The following BNC2 variants were observed in gnomAD, a reference collection of about 807,000 sequenced individuals.
The protein encoded by BNC2 is zinc finger protein basonuclin-2.
In BNC2, 20 loss-of-function variants were observed where a neutral mutation model predicts 76.3. The ratio of observed to expected loss-of-function variants is 0.26; its 90% CI spans 0.18 to 0.38. BNC2 has a LOEUF of 0.38. Among genes scored for constraint, BNC2 ranks in the 10% least tolerant of loss-of-function variants. The pLI, the probability that BNC2 is intolerant of heterozygous loss-of-function variation, is 1.00. For missense variants in BNC2, 1,382 were observed against 1,399.8 expected (o/e 0.99, Z 0.20); for synonymous variants, 582 against 514.8 (o/e 1.13, Z -1.77).
intron 1 of BNC2, among the ~76,000 whole-genome samples, chr9:16,856,318 T>C (rs1819257170): frequency 6.6e-6 from 1 of 151,832 alleles, no homozygotes. Flanking sequence ...CCAGCATATC[T>C]AATTATCACT....
intron 1 of BNC2, among the ~76,000 whole-genome samples, chr9:16,837,333 G>A (rs113402698): frequency 0.047 from 7,077 of 152,052 alleles, 238 homozygotes; most frequent in Middle Eastern, 0.096. Context: ...GTGAAATCCC[G>A]TCTCTACTAA....
At chr9:16,497,978 G>GGTGGGTGT (rs1554653609) in intron 5 of BNC2, among the ~76,000 whole-genome samples, 1 of 134,840 alleles carries the variant, frequency 7.4e-6, no homozygotes, top group Non-Finnish European at 1.6e-5. Flanking sequence ...AAGAAACTGT[G>GGTGGGTGT]GTGTGTGTGT....
At chr9:16,796,864 T>C (rs187071885) in intron 1 of BNC2, among the ~76,000 whole-genome samples, 1 of 152,304 alleles carries the variant, frequency 6.6e-6, no homozygotes, top group East Asian at 1.9e-4. Flanking sequence ...TAATGCCTTT[T>C]GTGGGTCTCT....
At position 16,552,932 on chromosome 9, in the gene BNC2, C is replaced by T. The variant is rs567495539; in HGVS notation, c.434-167G>A. 4.6e-5 allele frequency among the ~76,000 whole-genome samples: 7 copies of T among 152,286 alleles called. No homozygotes were observed. The East Asian group carries it at 1.4e-3, about 29-fold the overall frequency. On this transcript the variant is annotated intron_variant, in intron 4 of 6. Coordinates refer to ENST00000380672, the MANE Select transcript of BNC2 (RefSeq NM_017637.6). ...TCTTGCAAAGAAAATAGTTCTCTGACACCTCCTTTCTGTTTTACCCCTTTT... is the reference window on the plus strand; with the variant it reads ...TCTTGCAAAGAAAATAGTTCTCTGATACCTCCTTTCTGTTTTACCCCTTTT...
At chr9:16,480,517 G>A (rs1007853489) in intron 5 of BNC2, among the ~76,000 whole-genome samples, 17 of 152,206 alleles carry the variant, frequency 1.1e-4, no homozygotes, top group South Asian at 2.1e-4. Flanking sequence ...AGGGAGAGGC[G>A]GGAGCAGGAA....
At chr9:16,688,886 T>C (rs536332398) in intron 3 of BNC2, among the ~76,000 whole-genome samples, 2 of 152,242 alleles carry the variant, frequency 1.3e-5, no homozygotes, top group Admixed American at 1.3e-4. Flanking sequence ...TACTCTCCTG[T>C]ATATACATAC....
chr9:16,616,729 GAAGA>G (rs1424778841), intron 3 of BNC2, among the ~76,000 whole-genome samples: 2 of 147,514 alleles, frequency 1.4e-5, no homozygotes, highest in Non-Finnish European at 3.0e-5. Flanking sequence ...TGAAAGAAAG[GAAGA>G]AAGGGGGAAA....
At chr9:16,571,726 CT>C (rs1036001243) in intron 4 of BNC2, among the ~76,000 whole-genome samples, 4 of 151,878 alleles carry the variant, frequency 2.6e-5, no homozygotes, top group Non-Finnish European at 2.9e-5. Context: ...TTAGCCTAAT[CT>C]TTTTTTTCCT....
At chr9:16,863,040 G>A (rs1398856593) in intron 1 of BNC2, among the ~76,000 whole-genome samples, 2 of 151,652 alleles carry the variant, frequency 1.3e-5, no homozygotes, top group Non-Finnish European at 2.9e-5. Flanking sequence ...TCAGCCTCCC[G>A]AGTAGCTGGG....
rs567311323 is a variant in BNC2 at position 16,830,005 on chromosome 9, C to T, written c.3+40641G>A. Among the ~76,000 whole-genome samples the T allele has an allele frequency of 6.3e-4, 96 of 152,162 alleles. 1 individual carries two copies. In the South Asian group the frequency reaches 0.018, roughly 29 times the overall value. On this transcript the variant is annotated intron_variant, in intron 1 of 6. Transcript: ENST00000380672. The stretch of plus-strand genomic sequence containing the variant: ...ATGGGCCTTACTTAAGTTTTAGAGA[C>T]TATGTATAAAAATATTCACTACATT...
intron 5 of BNC2, among the ~76,000 whole-genome samples, chr9:16,506,970 G>C (rs1026142445): frequency 2.0e-5 from 3 of 152,028 alleles, no homozygotes; most frequent in South Asian, 2.1e-4. Flanking sequence ...GACCAGGCTG[G>C]TCTTGAACTC....
chr9:16,455,729 T>C (rs1029607182), intron 5 of BNC2, among the ~76,000 whole-genome samples: 1 of 151,418 alleles, frequency 6.6e-6, no homozygotes, highest in Admixed American at 6.6e-5. Flanking sequence ...GAGATGGAGG[T>C]TGTAGTGAGC....
chr9:16,768,943 CAGG>C (rs1825763487), intron 1 of BNC2, among the ~76,000 whole-genome samples: 1 of 151,996 alleles, frequency 6.6e-6, no homozygotes, highest in Non-Finnish European at 1.5e-5. Context: ...CAGACAGTGG[CAGG>C]AGAATAGAAG....
chr9:16,619,288 C>A (rs911923746), intron 3 of BNC2, among the ~76,000 whole-genome samples: 8 of 151,694 alleles, frequency 5.3e-5, no homozygotes, highest in Non-Finnish European at 8.8e-5. Context: ...AAATTCAAAC[C>A]CAACATAATG....
intron 1 of BNC2, among the ~76,000 whole-genome samples, chr9:16,811,552 C>CAA (rs1179927173): frequency 0.47 from 26,480 of 56,602 alleles, 7,045 homozygotes; most frequent in Non-Finnish European, 0.61. Flanking sequence ...AACTCCATCT[C>CAA]AAAAAAAAAA....
chr9:16,497,675 G>C (rs1164623786), intron 5 of BNC2, among the ~76,000 whole-genome samples: 1 of 152,012 alleles, frequency 6.6e-6, no homozygotes, highest in African/African-American at 2.4e-5. Flanking sequence ...TAAGAAAAAA[G>C]GGTAAAAGTC....
chr9:16,494,414 G>A (rs574272893), intron 5 of BNC2, among the ~76,000 whole-genome samples: 63 of 152,138 alleles, frequency 4.1e-4, no homozygotes, highest in African/African-American at 1.5e-3. Context: ...GCCTCCCAAA[G>A]TGCTGAGATT....
chr9:16,801,073 G>C (rs898124897), intron 1 of BNC2, among the ~76,000 whole-genome samples: 8 of 152,072 alleles, frequency 5.3e-5, no homozygotes, highest in African/African-American at 1.9e-4. Context: ...TGCCCCACAA[G>C]TATATACACT....
At chr9:16,568,085 C>T (rs1211329169) in intron 4 of BNC2, among the ~76,000 whole-genome samples, 3 of 152,228 alleles carry the variant, frequency 2.0e-5, no homozygotes, top group South Asian at 2.1e-4. Flanking sequence ...AATTACAAGG[C>T]TAATTGTTTC....
Sources: gnomAD v4.1 joint callset for allele counts (sites outside exome capture counted in the v4.1 genomes callset) on GRCh38, gnomAD v4.1.1 for gene constraint, MANE v1.5 for transcripts, NCBI Gene and HGNC (gene_info 2026-07-23, HGNC 2026-07-21) for gene names.